Variants in VAV2 observed in about 807,000 individuals in gnomAD.
VAV2 encodes guanine nucleotide exchange factor VAV2.
In VAV2, 67 loss-of-function variants were observed where a neutral mutation model predicts 132.5. The observed-to-expected ratio is 0.51, with a 90% confidence interval of 0.42 to 0.62. VAV2 has a LOEUF of 0.62. Ranked by LOEUF, VAV2 falls within the 20% of genes least tolerant of loss-of-function variation. The pLI is 0.00. For synonymous variants in VAV2, 492 were observed against 443.5 expected, an observed-to-expected ratio of 1.11 and a Z score of -1.37; for missense variants, 938 against 1,153.6, an observed-to-expected ratio of 0.81 and a Z score of 2.71.
At chr9:133,859,108 C>G (rs144704116) in intron 3 of VAV2, among the ~76,000 whole-genome samples, 1 of 151,948 alleles carries the variant, frequency 6.6e-6, no homozygotes, top group African/African-American at 2.4e-5. Context: ...GGGGGTGGCC[C>G]GGAGGGAGGG....
rs1313465478 is a variant in VAV2 at position 133,862,646 on chromosome 9, T to C, written c.322-1214A>G. On this transcript the variant is annotated intron_variant, in intron 2 of 29. Transcript: ENST00000371850. ...CCACGACGGCCACGTGCCGAATTCA[T>C]AGACACCCTCCACTGGGTGCTGGCG... Among the ~76,000 whole-genome samples the C allele has an allele frequency of 3.3e-5, 5 of 152,304 alleles. No individual in the cohort carries two copies. The East Asian group carries it at 5.8e-4, about 18-fold the overall frequency.
chr9:133,850,276 G>A (rs542601625), intron 3 of VAV2, among the ~76,000 whole-genome samples: 6 of 152,254 alleles, frequency 3.9e-5, no homozygotes, highest in South Asian at 4.1e-4. Context: ...CTGAGCCTCC[G>A]GGTCTGGGAC....
rs942318982 is a variant in VAV2, at chr9:133,785,703, C to T, written c.1532+73G>A. ...CCTGGTCTGAGAGGAACCACAGACA[C>T]AATCCACCTGGGCTTCCACCCCCCA... is the stretch of plus-strand genomic sequence containing the variant. On this transcript the variant is annotated intron_variant, in intron 17 of 29. Coordinates refer to ENST00000371850, the MANE Select transcript of VAV2 (RefSeq NM_001134398.2). 6.9e-6 allele frequency: 10 copies of T among 1,450,628 alleles called. No individual in the cohort carries two copies. The African/African-American group carries it at 9.8e-5, about 14-fold the overall frequency. The allele number at this position is 1,450,628 out of a possible 1,614,324, so 89.9% of individuals were successfully genotyped here. A position where few individuals can be genotyped will look rare whatever the true frequency, so the allele number is the denominator to read the frequency against.
chr9:133,849,559 G>A (rs1257768337), intron 3 of VAV2, among the ~76,000 whole-genome samples: 8 of 152,226 alleles, frequency 5.3e-5, no homozygotes, highest in South Asian at 2.1e-4. Context: ...CTGGGGCTGC[G>A]TAACCAAGCA....
intron 4 of VAV2, among the ~76,000 whole-genome samples, chr9:133,817,491 A>G (rs1487831588): frequency 1.3e-5 from 2 of 152,162 alleles, no homozygotes; most frequent in Non-Finnish European, 2.9e-5. Context: ...CATCTCTACT[A>G]AAAATACTCG....
chr9:133,947,560 G>A (rs1046802306), intron 1 of VAV2, among the ~76,000 whole-genome samples: 14 of 151,946 alleles, frequency 9.2e-5, no homozygotes, highest in Admixed American at 1.3e-4. Flanking sequence ...TTAGCCAGGC[G>A]TGGTGGCGCA....
intron 1 of VAV2, among the ~76,000 whole-genome samples, chr9:133,974,140 GC>G (rs1448188394): frequency 6.6e-6 from 1 of 152,094 alleles, no homozygotes; most frequent in Non-Finnish European, 1.5e-5. Context: ...TCCTGGCAGG[GC>G]CCAGCGTCTC....
Position 133,917,435 on chromosome 9 carries a change from C to T in VAV2, c.321+21668G>A, listed in dbSNP as rs529406058. 3.6e-4 allele frequency among the ~76,000 whole-genome samples: 32 copies of T among 89,916 alleles called. No individual in the cohort carries two copies. The East Asian group carries it at 8.9e-3, about 25-fold the overall frequency. 59.0% of individuals were successfully genotyped at this position (89,916 alleles called of 152,430 possible). On this transcript the variant is annotated intron_variant, in intron 2 of 29. Transcript: ENST00000371850. ...AACCCATCATGAGAAAAACAGAAAA[C>T]TCTTTCTTTTTTTTTTTTTTTGGCT...
At chr9:133,962,923 T>A (rs1211984210) in intron 1 of VAV2, among the ~76,000 whole-genome samples, 4 of 152,218 alleles carry the variant, frequency 2.6e-5, no homozygotes, top group African/African-American at 9.6e-5. Context: ...TCATGGCTGC[T>A]AAAAGTCTTC....
chr9:133,861,810 A>T (rs1239072794), intron 2 of VAV2, among the ~76,000 whole-genome samples: 1 of 152,184 alleles, frequency 6.6e-6, no homozygotes, highest in African/African-American at 2.4e-5. Flanking sequence ...CCATATTACT[A>T]AGTACAGCTC....
intron 1 of VAV2, among the ~76,000 whole-genome samples, chr9:133,957,806 G>T (rs2519821): frequency 0.65 from 98,845 of 151,696 alleles, 32,382 homozygotes; most frequent in East Asian, 0.79. Context: ...AGAGATCAGA[G>T]TGTCACTGTA....
rs1483697328 is a variant in VAV2 at position 133,802,212 on chromosome 9, A to G, written c.836+3869T>C. Among the ~76,000 whole-genome samples the G allele has an allele frequency of 6.6e-6, 1 of 152,120 alleles. No homozygotes were observed. The highest frequency in any genetic ancestry group is 1.5e-5 in the Non-Finnish European group (1 of 68,026). On this transcript the variant is annotated intron_variant, in intron 9 of 29. Coordinates refer to ENST00000371850, the MANE Select transcript of VAV2 (RefSeq NM_001134398.2). The surrounding 1 kb of genome is among the most constrained non-coding windows in gnomAD (Gnocchi z 5.8). Reference sequence around the variant, plus strand: ...AAGTTTACAGGCCTTAATTCTAACCACATTTACTACTGTTAAGAAAAAGGA... The same window carrying G: ...AAGTTTACAGGCCTTAATTCTAACCGCATTTACTACTGTTAAGAAAAAGGA...
At chr9:133,877,597 C>A (rs1838312374) in intron 2 of VAV2, among the ~76,000 whole-genome samples, 1 of 152,186 alleles carries the variant, frequency 6.6e-6, no homozygotes, top group Non-Finnish European at 1.5e-5. Context: ...CTGATGCAAG[C>A]TCTTAAAGGG....
intron 2 of VAV2, among the ~76,000 whole-genome samples, chr9:133,907,510 G>C (rs1470105967): frequency 6.6e-6 from 1 of 152,234 alleles, no homozygotes; most frequent in Non-Finnish European, 1.5e-5. Context: ...AGCTGGTTCA[G>C]CAAACCCAGG....
chr9:133,768,748 G>A lies in VAV2; in HGVS notation c.2435-152C>T. On this transcript the variant is annotated intron_variant, in intron 28 of 29. Transcript: ENST00000371850. The surrounding 1 kb of genome is among the most constrained non-coding windows in gnomAD (Gnocchi z 5.3). ...GGATGTCAAGCAGAAAGGCTCTGGA[G>A]GGACACACTGGCCTCCAATCCCAGG... The A allele has an allele frequency of 9.7e-7, 1 of 1,036,068 alleles. No individual in the cohort carries two copies. The highest frequency in any genetic ancestry group is 1.6e-5 in the African/African-American group (1 of 61,908). 64.2% of individuals were successfully genotyped at this position (1,036,068 alleles called of 1,614,324 possible). A position where few individuals can be genotyped will look rare whatever the true frequency, so the allele number is the denominator to read the frequency against.
At chr9:133,819,008 G>A (rs1439248070) in intron 4 of VAV2, among the ~76,000 whole-genome samples, 1 of 151,752 alleles carries the variant, frequency 6.6e-6, no homozygotes, top group Non-Finnish European at 1.5e-5. Flanking sequence ...GCCTCCCAAA[G>A]TGCTGGGATT....
In VAV2 at chr9:133,885,787, G is replaced by A. The variant is rs879519506; in HGVS notation, c.322-24355C>T. Among the ~76,000 whole-genome samples, 8 of 152,120 alleles carry A rather than the reference G, an allele frequency of 5.3e-5. No homozygotes were observed. Among genetic ancestry groups the A allele is most frequent in the Admixed American group, 6.6e-5 (1 of 15,264 alleles). ...GACCTCGCAAACCCACCACGGTGCC[G>A]GCACAAACCCTTCACAAAGCACTCA... On this transcript the variant is annotated intron_variant, in intron 2 of 29. Transcript: ENST00000371850. This position sits in a 1 kb window ranked among gnomAD's most constrained non-coding sequence, Gnocchi z 5.0.
chr9:133,848,696 C>A (rs370680402), intron 3 of VAV2, among the ~76,000 whole-genome samples: 9 of 152,176 alleles, frequency 5.9e-5, no homozygotes, highest in East Asian at 3.9e-4. Flanking sequence ...TGGAGCCGGG[C>A]ATCTTTGGGG....
At chr9:133,819,484 G>A (rs1176703768) in intron 4 of VAV2, among the ~76,000 whole-genome samples, 2 of 151,854 alleles carry the variant, frequency 1.3e-5, no homozygotes, top group African/African-American at 4.8e-5. Flanking sequence ...AAAAACACTA[G>A]AGGAGAAGCT....
Sources: allele counts gnomAD v4.1 joint callset (sites outside exome capture counted in the v4.1 genomes callset), GRCh38; gene constraint gnomAD v4.1.1; non-coding constraint Gnocchi (gnomAD v3.1); transcripts MANE v1.5; gene names NCBI Gene and HGNC (gene_info 2026-07-23, HGNC 2026-07-21).